Variants in RBFOX1 observed in about 807,000 individuals in gnomAD.
RBFOX1 encodes RNA binding fox-1 homolog 1, also known as RNA binding protein fox-1 homolog 1.
Under a neutral mutation model 57.7 loss-of-function variants are expected in RBFOX1, and 8 were observed. The observed-to-expected ratio is 0.14, with a 90% CI of 0.08 to 0.25. The LOEUF (loss-of-function observed/expected upper bound fraction) is 0.25. Among genes scored for constraint, RBFOX1 ranks in the 10% least tolerant of loss-of-function variants. RBFOX1 has a pLI of 1.00. For synonymous variants in RBFOX1, 326 were observed against 222.4 expected, an observed-to-expected ratio of 1.47 and a Z score of -4.15; for missense variants, 611 against 548.5, an observed-to-expected ratio of 1.11 and a Z score of -1.14.
intron 1 of RBFOX1, among the ~76,000 whole-genome samples, chr16:5,241,593 C>G (rs1162291243): frequency 1.3e-5 from 2 of 152,210 alleles, no homozygotes; most frequent in African/African-American, 4.8e-5. Context: ...GCCAGTTACC[C>G]TGTCTGAGCC....
At chr16:5,862,763 C>T (rs2057253979) in intron 3 of RBFOX1, among the ~76,000 whole-genome samples, 1 of 152,128 alleles carries the variant, frequency 6.6e-6, no homozygotes, top group South Asian at 2.1e-4. Context: ...GTTTTTGTGT[C>T]ATGTTTCCGA....
intron 3 of RBFOX1, among the ~76,000 whole-genome samples, chr16:6,786,111 C>G (rs1567237061): frequency 6.6e-6 from 1 of 152,284 alleles, no homozygotes; most frequent in East Asian, 1.9e-4. Context: ...GTCACTTTGG[C>G]AAAAGTCTGC....
intron 4 of RBFOX1, among the ~76,000 whole-genome samples, chr16:6,001,585 G>C (rs17139101): frequency 0.011 from 1,659 of 152,212 alleles, 29 homozygotes; most frequent in African/African-American, 0.038. Flanking sequence ...ATACAAGATG[G>C]ATTTTAGATA....
At chr16:7,276,343 G>A (rs145455878) in intron 4 of RBFOX1, among the ~76,000 whole-genome samples, 1 of 152,258 alleles carries the variant, frequency 6.6e-6, no homozygotes, top group Non-Finnish European at 1.5e-5. Flanking sequence ...TTTGGAGGCA[G>A]CTAGGTTTGC....
At chr16:6,824,411 G>T (rs1224389420) in intron 3 of RBFOX1, among the ~76,000 whole-genome samples, 1 of 152,178 alleles carries the variant, frequency 6.6e-6, no homozygotes, top group Non-Finnish European at 1.5e-5. Context: ...CCATGTCAAA[G>T]ACTGTAAACA....
In RBFOX1 at chr16:6,841,677, C is replaced by G. The variant is rs116406784; in HGVS notation, c.-16+187027C>G. On this transcript the variant is annotated intron_variant, in intron 3 of 15. Coordinates refer to ENST00000550418, the MANE Select transcript of RBFOX1 (RefSeq NM_018723.4). ...AGTAGTAACAGAGTGCTTTAGCCCT[C>G]TGTGGAAAATGATGGAGGCATTGTC... is the stretch of plus-strand genomic sequence containing the variant. 8.6e-3 allele frequency among the ~76,000 whole-genome samples: 1,306 copies of G among 152,196 alleles called. 23 individuals carry two copies. Among genetic ancestry groups the G allele is most frequent in the African/African-American group, 0.029 (1,204 of 41,528 alleles).
At chr16:6,323,891 G>T (rs2082080398) in intron 2 of RBFOX1, among the ~76,000 whole-genome samples, 1 of 151,982 alleles carries the variant, frequency 6.6e-6, no homozygotes, top group South Asian at 2.1e-4. Flanking sequence ...TTGTGCCTCA[G>T]CCTCTCAAGT....
chr16:7,670,876 G>A (rs2071201478), intron 13 of RBFOX1, among the ~76,000 whole-genome samples: 2 of 152,242 alleles, frequency 1.3e-5, no homozygotes, highest in East Asian at 1.9e-4. Flanking sequence ...CTGCATCCTA[G>A]TCCGCACAAG....
intron 1 of RBFOX1, among the ~76,000 whole-genome samples, chr16:5,312,884 A>G (rs2064130365): frequency 6.6e-6 from 1 of 152,230 alleles, no homozygotes; most frequent in Admixed American, 6.5e-5. Context: ...TGCAGATTGC[A>G]GGATCTGATT....
chr16:6,628,982 A>G (rs1445008313), intron 2 of RBFOX1, among the ~76,000 whole-genome samples: 1 of 152,178 alleles, frequency 6.6e-6, no homozygotes, highest in Non-Finnish European at 1.5e-5. Flanking sequence ...GTGAGCCGAG[A>G]TTGCACCACT....
intron 4 of RBFOX1, among the ~76,000 whole-genome samples, chr16:5,967,289 T>G (rs2059866051): frequency 6.6e-6 from 1 of 152,240 alleles, no homozygotes; most frequent in Non-Finnish European, 1.5e-5. Flanking sequence ...GAATAATTTT[T>G]ATACTATGTA....
rs545245713 is a variant in RBFOX1 at position 6,113,893 on chromosome 16, C to T, written c.-127+93901C>T. On this transcript the variant is annotated intron_variant, in intron 1 of 15. Transcript: ENST00000550418. ...TCCCATCCCAGAGAAACCTGTATCACCACCGGCATAATAATGACATTTCAT... is the reference window on the plus strand; with the variant it reads ...TCCCATCCCAGAGAAACCTGTATCATCACCGGCATAATAATGACATTTCAT... Among the ~76,000 whole-genome samples the T allele has an allele frequency of 6.6e-5, 10 of 152,284 alleles. No individual in the cohort carries two copies. The East Asian group carries it at 1.9e-3, about 29-fold the overall frequency.
At chr16:7,709,022 T>C (rs763735000) in intron 14 of RBFOX1, 34 bp from the exon 15 acceptor site, 4 of 1,565,400 alleles carry the variant, frequency 2.6e-6, no homozygotes, top group East Asian at 2.2e-5. Context: ...AATTGCATAC[T>C]GTGGATCAAT....
chr16:6,310,497 A>G (rs2080120813), intron 1 of RBFOX1, among the ~76,000 whole-genome samples: 1 of 152,200 alleles, frequency 6.6e-6, no homozygotes, highest in Non-Finnish European at 1.5e-5. Flanking sequence ...TAGTAGTGCC[A>G]GGTAATTTAG....
chr16:6,184,371 A>C (rs1210015405), intron 1 of RBFOX1, among the ~76,000 whole-genome samples: 1 of 152,162 alleles, frequency 6.6e-6, no homozygotes, highest in African/African-American at 2.4e-5. Flanking sequence ...GAACCAGGGA[A>C]TCCAGAAGGA....
chr16:7,511,263 G>T (rs920092946), intron 4 of RBFOX1, among the ~76,000 whole-genome samples: 3 of 152,178 alleles, frequency 2.0e-5, no homozygotes, highest in Non-Finnish European at 4.4e-5. Flanking sequence ...TGCAAACCCT[G>T]ACTGGCTACC....
chr16:6,047,657 G>T (rs1198572620), intron 1 of RBFOX1, among the ~76,000 whole-genome samples: 2 of 152,172 alleles, frequency 1.3e-5, no homozygotes, highest in African/African-American at 4.8e-5. Context: ...GAATGGTTCA[G>T]AGTGAATGAA....
At chr16:7,082,166 C>T (rs575045214) in intron 4 of RBFOX1, among the ~76,000 whole-genome samples, 1 of 152,104 alleles carries the variant, frequency 6.6e-6, no homozygotes, top group Non-Finnish European at 1.5e-5. Context: ...CTCCAGCCTT[C>T]TGGTTGGATA....
intron 3 of RBFOX1, among the ~76,000 whole-genome samples, chr16:6,954,703 C>T (rs567131097): frequency 2.6e-5 from 4 of 152,080 alleles, no homozygotes; most frequent in Non-Finnish European, 4.4e-5. Flanking sequence ...TGCAGGTGCC[C>T]AAGTCTAGCC....
Sources: gnomAD v4.1 joint callset for allele counts (sites outside exome capture counted in the v4.1 genomes callset) on GRCh38, gnomAD v4.1.1 for gene constraint, MANE v1.5 for transcripts, NCBI Gene and HGNC (gene_info 2026-07-23, HGNC 2026-07-21) for gene names.